The following LCP2 variants were observed in gnomAD, a reference collection of about 807,000 sequenced individuals.
The protein encoded by LCP2 is 76 kDa tyrosine phosphoprotein.
LCP2 carries 29 observed loss-of-function variants against 74.5 expected under a neutral mutation model. That is an observed-to-expected ratio of 0.39 (90% CI 0.29 to 0.53). LCP2 has a LOEUF of 0.53. Among genes scored for constraint, LCP2 ranks in the 20% least tolerant of loss-of-function variants. LCP2 has a pLI of 0.72. For synonymous variants in LCP2, 228 were observed against 229.5 expected (o/e 0.99, Z 0.06); for missense variants, 604 against 634.6 (o/e 0.95, Z 0.52).
chr5:170,253,058 T>C, intron 18 of LCP2, 61 bp downstream of exon 18: 1 of 1,028,672 alleles, frequency 9.7e-7, no homozygotes, highest in Non-Finnish European at 1.5e-6. Context: ...AATGGGAGTT[T>C]CTGGTGATTC....
chr5:170,275,373 C>T, intron 4 of LCP2, 22 bp from the exon 5 acceptor site: 1 of 1,613,794 alleles, frequency 6.2e-7, no homozygotes, highest in Non-Finnish European at 8.5e-7. Flanking sequence ...AATAGCACTG[C>T]ATTAATGGTC....
In LCP2 at chr5:170,276,026, C is replaced by T. The variant is rs796162339; in HGVS notation, c.189-166G>A. ...GGGACCCTCTGCTCTTCACTTCCTC[C>T]CAGAACTTGCCATCTTATTCCCCGG... On this transcript the variant is annotated intron_variant, in intron 3 of 20. Transcript: ENST00000046794. Among the ~76,000 whole-genome samples the T allele has an allele frequency of 7.9e-5, 12 of 152,288 alleles. 1 individual carries two copies. Among genetic ancestry groups the T allele is most frequent in the Middle Eastern group, 3.4e-3 (1 of 294 alleles).
intron 10 of LCP2, among the ~76,000 whole-genome samples, chr5:170,265,962 G>T (rs1447919992): frequency 6.6e-6 from 1 of 152,200 alleles, no homozygotes. Flanking sequence ...AGAAAGACAA[G>T]TGTTCGAATT....
intron 3 of LCP2, among the ~76,000 whole-genome samples, chr5:170,279,448 A>G (rs761509719): frequency 3.1e-4 from 47 of 152,238 alleles, no homozygotes; most frequent in Non-Finnish European, 5.6e-4. Flanking sequence ...AGCTGCCCTC[A>G]CTTGGCCCCA....
rs1411394831 is a variant in LCP2 at position 170,252,323 on chromosome 5, G to A, written c.1323+111C>T. The A allele has an allele frequency of 8.7e-6, 5 of 573,330 alleles. No homozygotes were observed. The African/African-American group carries it at 9.4e-5, about 11-fold the overall frequency. The allele number at this position is 573,330 out of a possible 1,614,324, so 35.5% of individuals were successfully genotyped here. On this transcript the variant is annotated intron_variant, in intron 19 of 20. Coordinates refer to ENST00000046794, the MANE Select transcript of LCP2 (RefSeq NM_005565.5). Reference sequence around the variant, plus strand: ...ATGGGTCTCCTAGGTATTACAGAAAGCAACAGCACCTAGCAGAATTCCTAG... The same window carrying A: ...ATGGGTCTCCTAGGTATTACAGAAAACAACAGCACCTAGCAGAATTCCTAG...
At chr5:170,252,253 T>C in intron 19 of LCP2, 181 bp downstream of exon 19, 1 of 412,710 alleles carries the variant, frequency 2.4e-6, no homozygotes, top group East Asian at 3.5e-5. Flanking sequence ...TTCCCGAGCC[T>C]AGGAATCCCT....
intron 3 of LCP2, among the ~76,000 whole-genome samples, chr5:170,285,796 G>GTC (rs1762173937): frequency 6.6e-6 from 1 of 152,144 alleles, no homozygotes; most frequent in Admixed American, 6.5e-5. Flanking sequence ...CTTTGCTAAA[G>GTC]AGGGGCCCCT....
At chr5:170,260,914 A>G (rs1242213456) in intron 14 of LCP2, among the ~76,000 whole-genome samples, 193 bp downstream of exon 14, 1 of 152,202 alleles carries the variant, frequency 6.6e-6, no homozygotes, top group Non-Finnish European at 1.5e-5. Flanking sequence ...GCTAAACAAC[A>G]CAGCATGATG....
intron 6 of LCP2, 102 bp downstream of exon 6, chr5:170,274,199 C>T: frequency 8.1e-7 from 1 of 1,228,876 alleles, no homozygotes; most frequent in Non-Finnish European, 1.2e-6. Flanking sequence ...GTGCTGGCAT[C>T]ATGTTAGAGC....
At chr5:170,288,663 T>A (rs1333901837) in intron 2 of LCP2, among the ~76,000 whole-genome samples, 1 of 152,202 alleles carries the variant, frequency 6.6e-6, no homozygotes, top group Admixed American at 6.5e-5. Context: ...ATGCAGGAGT[T>A]ACCAGCATTC....
intron 3 of LCP2, among the ~76,000 whole-genome samples, chr5:170,276,601 G>A (rs1286032132): frequency 6.6e-6 from 1 of 152,068 alleles, no homozygotes; most frequent in Admixed American, 6.5e-5. Flanking sequence ...ATCCCAGGAT[G>A]GAGCTGGGGG....
chr5:170,273,235 T>C (rs1278956296), intron 6 of LCP2, among the ~76,000 whole-genome samples: 1 of 152,152 alleles, frequency 6.6e-6, no homozygotes, highest in African/African-American at 2.4e-5. Context: ...ACAGAGAGGA[T>C]CGAAGACTAG....
At position 170,253,140 on chromosome 5, in the gene LCP2, G is replaced by C. The variant is rs760416043; in HGVS notation, c.1224C>G (p.Pro408=). The C allele has an allele frequency of 1.9e-5, 31 of 1,611,158 alleles. No homozygotes were observed. The South Asian group carries it at 2.7e-4, about 14-fold the overall frequency. Residue 408 remains proline (P), a synonymous_variant, in exon 18 of 21, where the codon CCC becomes CCG. Transcript: ENST00000046794. ...TTACCTCTTCCTCCGCGGGGGATGG[G>C]GGCCGAGGTTTGTTTGGAAGTGGCA... ...FPLPLPNKPR[P]PSPAEEENSL... is the part of the protein sequence containing the mutation.
intron 3 of LCP2, among the ~76,000 whole-genome samples, chr5:170,283,999 C>T (rs747614303): frequency 3.9e-5 from 6 of 152,210 alleles, no homozygotes; most frequent in Non-Finnish European, 7.3e-5. Context: ...GTCTGTCTGA[C>T]CTCCCTTTAG....
At chr5:170,258,697 A>G (rs1761603285) in intron 15 of LCP2, among the ~76,000 whole-genome samples, 169 bp downstream of exon 15, 1 of 152,234 alleles carries the variant, frequency 6.6e-6, no homozygotes, top group Non-Finnish European at 1.5e-5. Context: ...CAAGTAATCC[A>G]TTTTACGATA....
Position 170,256,653 on chromosome 5 carries a change from C to G in LCP2, c.1101-78G>C. On this transcript the variant is annotated intron_variant, in intron 16 of 20. Coordinates refer to ENST00000046794, the MANE Select transcript of LCP2 (RefSeq NM_005565.5). The surrounding 1 kb of genome is among the most constrained non-coding windows in gnomAD (Gnocchi z 4.5). ...GACAGGGGAGCTGGGTTAGGGAAGC[C>G]AGGCTGCAAATGCTTCTTGATTTGG... 9.8e-7 allele frequency: 1 copy of G among 1,021,086 alleles called. No homozygotes were observed. Among genetic ancestry groups the G allele is most frequent in the Non-Finnish European group, 1.6e-6 (1 of 642,906 alleles). 63.3% of individuals were successfully genotyped at this position (1,021,086 alleles called of 1,614,324 possible).
intron 1 of LCP2, 85 bp from the exon 2 acceptor site, chr5:170,293,457 C>A: frequency 7.5e-7 from 1 of 1,337,670 alleles, no homozygotes; most frequent in Non-Finnish European, 1.0e-6. Flanking sequence ...AGAAACTTAG[C>A]ACTTTGCGGT....
intron 13 of LCP2, 68 bp downstream of exon 13, chr5:170,262,567 A>G (rs928207693): frequency 2.5e-6 from 3 of 1,202,246 alleles, no homozygotes; most frequent in Non-Finnish European, 3.6e-6. Flanking sequence ...CCCACTGCAG[A>G]GTCAGCACAG....
chr5:170,290,019 G>A (rs1457303128), intron 2 of LCP2, among the ~76,000 whole-genome samples: 1 of 152,128 alleles, frequency 6.6e-6, no homozygotes, highest in Non-Finnish European at 1.5e-5. Flanking sequence ...GGAGCAGGGT[G>A]TCAGGAAAGA....
Sources: allele counts gnomAD v4.1 joint callset (sites outside exome capture counted in the v4.1 genomes callset), GRCh38; gene constraint gnomAD v4.1.1; non-coding constraint Gnocchi (gnomAD v3.1); transcripts MANE v1.5; gene names NCBI Gene and HGNC (gene_info 2026-07-23, HGNC 2026-07-21).